The following ANXA8 variants were observed in gnomAD, a reference collection of about 807,000 sequenced individuals.
The protein encoded by ANXA8 is annexin A8.
A neutral mutation model predicts 26.8 loss-of-function variants in ANXA8; 9 were observed. The observed-to-expected ratio is 0.34, with a 90% CI of 0.20 to 0.59. ANXA8 has a LOEUF of 0.59. ANXA8 is among the 20% of genes least tolerant of loss of function. The pLI is 0.84. For synonymous variants in ANXA8, 39 were observed against 94.8 expected (o/e 0.41, Z 3.42); for missense variants, 83 against 238.5 (o/e 0.35, Z 4.29).
the ANXA8 span, among the ~76,000 whole-genome samples, chr10:47,680,126 G>T: frequency 6.6e-6 from 1 of 151,526 alleles, no homozygotes; most frequent in South Asian, 2.1e-4. Context: ...ACAGGTGCAT[G>T]CCACCACACC....
the ANXA8 span, among the ~76,000 whole-genome samples, chr10:47,970,790 C>T: frequency 7.3e-4 from 110 of 151,368 alleles, 2 homozygotes; most frequent in East Asian, 0.019. Flanking sequence ...ATTCTGGGAC[C>T]GTAATGGACA....
chr10:47,558,304 A>C, the ANXA8 span, among the ~76,000 whole-genome samples: 1 of 151,820 alleles, frequency 6.6e-6, no homozygotes, highest in African/African-American at 2.4e-5. Flanking sequence ...TGCACAGATT[A>C]CTTTGTCAGC....
chr10:47,665,756 T>C, the ANXA8 span, among the ~76,000 whole-genome samples: 4 of 151,470 alleles, frequency 2.6e-5, 1 homozygote, highest in South Asian at 4.1e-4. Flanking sequence ...GAATAAATTG[T>C]TCTACTCTAT....
the ANXA8 span, among the ~76,000 whole-genome samples, chr10:47,644,601 T>A: frequency 0.064 from 9,592 of 150,520 alleles, 667 homozygotes; most frequent in African/African-American, 0.23. Context: ...TTAAAACGTA[T>A]GTCTCTCATC....
chr10:47,690,796 C>A, the ANXA8 span: 4 of 1,608,348 alleles, frequency 2.5e-6, no homozygotes, highest in African/African-American at 5.4e-5. Flanking sequence ...CTCAGGAATA[C>A]TGTGTTCCCA....
chr10:47,946,447 C>T, the ANXA8 span, among the ~76,000 whole-genome samples: 1 of 150,522 alleles, frequency 6.6e-6, no homozygotes, highest in East Asian at 2.1e-4. Context: ...TTATTCCCAA[C>T]ATCAAGGCCA....
chr10:47,970,756 C>T, the ANXA8 span, among the ~76,000 whole-genome samples: 1 of 151,214 alleles, frequency 6.6e-6, no homozygotes, highest in Admixed American at 6.6e-5. Context: ...TTTCACAGGC[C>T]CTGAAAAAAC....
the ANXA8 span, among the ~76,000 whole-genome samples, chr10:47,658,274 T>C: frequency 2.7e-5 from 4 of 149,494 alleles, no homozygotes; most frequent in South Asian, 8.3e-4. Context: ...TAGTCCCAAC[T>C]ACTTGGGAGG....
the ANXA8 span, among the ~76,000 whole-genome samples, chr10:47,776,953 TGGAAAC>T: frequency 7.6e-4 from 116 of 151,842 alleles, no homozygotes; most frequent in African/African-American, 2.8e-3. Flanking sequence ...GCCTAGCCAG[TGGAAAC>T]GGAAAAGGCG....
chr10:47,513,921 A>C, the ANXA8 span, among the ~76,000 whole-genome samples: 2 of 135,994 alleles, frequency 1.5e-5, no homozygotes, highest in African/African-American at 2.7e-5. Flanking sequence ...TATGACCTGA[A>C]ACCATAAAAG....
chr10:47,469,245 G>C (rs1260643664), intron 11 of ANXA8, among the ~76,000 whole-genome samples: 31,074 of 101,452 alleles, frequency 0.31, 2,779 homozygotes, highest in Middle Eastern at 0.38. Flanking sequence ...TTACACAACA[G>C]GATGCATCAT....
At chr10:47,742,989 CTA>C in the ANXA8 span, among the ~76,000 whole-genome samples, 12 of 100,478 alleles carry the variant, frequency 1.2e-4, no homozygotes, top group African/African-American at 4.5e-4. Flanking sequence ...CCCGTCTCTA[CTA>C]AAAAAAAAAA....
chr10:47,510,941 T>C, the ANXA8 span, among the ~76,000 whole-genome samples: 3 of 129,726 alleles, frequency 2.3e-5, no homozygotes, highest in Non-Finnish European at 4.8e-5. Context: ...AATTAATTTA[T>C]TTATTTATTT....
At chr10:47,702,130 C>T in the ANXA8 span, among the ~76,000 whole-genome samples, 3 of 149,252 alleles carry the variant, frequency 2.0e-5, no homozygotes, top group African/African-American at 7.4e-5. Flanking sequence ...AAGGTTAAAA[C>T]GAACCAGAGG....
At chr10:47,975,198 C>A in the ANXA8 span, among the ~76,000 whole-genome samples, 5 of 149,264 alleles carry the variant, frequency 3.3e-5, no homozygotes, top group Non-Finnish European at 7.5e-5. Context: ...CATGTCAGCA[C>A]CAATAGATTG....
At chr10:47,624,012 G>A in the ANXA8 span, among the ~76,000 whole-genome samples, 10 of 98,798 alleles carry the variant, frequency 1.0e-4, 1 homozygote, top group Admixed American at 4.5e-4. Context: ...TGAGAAGGGC[G>A]GATCGCGAGG....
chr10:47,581,834 T>A, the ANXA8 span, among the ~76,000 whole-genome samples: 1 of 150,762 alleles, frequency 6.6e-6, no homozygotes, highest in African/African-American at 2.5e-5. Flanking sequence ...CTCAATCTCC[T>A]GACTTTGTGA....
the ANXA8 span, among the ~76,000 whole-genome samples, chr10:47,554,569 TAC>T: frequency 2.2e-4 from 33 of 150,940 alleles, no homozygotes; most frequent in Admixed American, 6.6e-4. Flanking sequence ...TTGGGACGCC[TAC>T]AGAGACTACA....
chr10:47,720,763 C>T, the ANXA8 span, among the ~76,000 whole-genome samples: 1 of 139,656 alleles, frequency 7.2e-6, no homozygotes, highest in Non-Finnish European at 1.5e-5. Flanking sequence ...AACCTTATTT[C>T]TCTTTACAGA....
Sources: allele counts gnomAD v4.1 joint callset (sites outside exome capture counted in the v4.1 genomes callset), GRCh38; gene constraint gnomAD v4.1.1; transcripts MANE v1.5; gene names NCBI Gene and HGNC (gene_info 2026-07-23, HGNC 2026-07-21).